The following MYO9A variants were observed in gnomAD, a reference collection of about 807,000 sequenced individuals.
The protein encoded by MYO9A is myosin IXA.
A neutral mutation model predicts 293.3 loss-of-function variants in MYO9A; 103 were observed. The ratio of observed to expected loss-of-function variants is 0.35; its 90% confidence interval spans 0.30 to 0.41. MYO9A has a LOEUF of 0.41. MYO9A is among the 10% of genes least tolerant of loss of function. The probability of loss-of-function intolerance (pLI) is 1.00; values close to 1 mark genes in which losing one functional copy is unlikely to be tolerated. For synonymous variants in MYO9A, 1,001 were observed against 1,035.7 expected (o/e 0.97, Z 0.64); for missense variants, 2,685 against 3,033.0 (o/e 0.89, Z 2.69).
rs10676320 is a variant in MYO9A, at chr15:71,947,300, A to AAG, written c.2302+4476_2302+4477insCT. Among the ~76,000 whole-genome samples, 196 of 150,688 alleles carry AAG rather than the reference A, an allele frequency of 1.3e-3. 1 individual carries two copies. The Middle Eastern group carries it at 0.024, about 18-fold the overall frequency. ...CATCTCAGGAAAAAAAAAAAAAAAA[A>AAG]GTTTTATTTACTTTACTTCCTTTTA... On this transcript the variant is annotated intron_variant, in intron 15 of 41. Coordinates refer to ENST00000356056, the MANE Select transcript of MYO9A (RefSeq NM_006901.4).
intron 2 of MYO9A, 63 bp downstream of exon 2, chr15:72,045,661 C>G (rs971149668): frequency 2.7e-6 from 4 of 1,465,152 alleles, no homozygotes; most frequent in Non-Finnish European, 3.6e-6. Context: ...GAATGGTACA[C>G]CCCCCCACCT....
At chr15:72,118,407 C>G (rs534506765), upstream of MYO9A, 111 of 156,706 alleles carry the variant, frequency 7.1e-4, no homozygotes, top group Non-Finnish European at 1.2e-3. Context: ...GTAGCTGTCG[C>G]TTTCCGGCCA....
At chr15:71,986,687 G>A (rs2076415442) in intron 11 of MYO9A, among the ~76,000 whole-genome samples, 1 of 152,100 alleles carries the variant, frequency 6.6e-6, no homozygotes, top group Non-Finnish European at 1.5e-5. Flanking sequence ...AATAGAAAGA[G>A]GGCTTATAAT....
chr15:72,093,570 T>C (rs1188653989), intron 1 of MYO9A, among the ~76,000 whole-genome samples: 1 of 150,980 alleles, frequency 6.6e-6, no homozygotes, highest in African/African-American at 2.4e-5. Flanking sequence ...TCTAAAATTG[T>C]AAAACACAAG....
intron 39 of MYO9A, among the ~76,000 whole-genome samples, chr15:71,830,968 T>G (rs567354886): frequency 5.8e-4 from 86 of 149,446 alleles, no homozygotes; most frequent in Non-Finnish European, 6.8e-4. Context: ...CATTGCTGCT[T>G]CTTCCTTTTT....
chr15:72,077,143 GGAAAATC>G (rs2079378844), intron 1 of MYO9A, among the ~76,000 whole-genome samples: 2 of 152,122 alleles, frequency 1.3e-5, no homozygotes, highest in Admixed American at 6.5e-5. Context: ...ACAGCATGGG[GGAAAATC>G]TTGGTAAACT....
At chr15:72,024,282 T>C (rs1342421419) in intron 4 of MYO9A, among the ~76,000 whole-genome samples, 2 of 152,200 alleles carry the variant, frequency 1.3e-5, no homozygotes, top group African/African-American at 4.8e-5. Flanking sequence ...TATAAATTAA[T>C]TAACTCATTG....
intron 37 of MYO9A, among the ~76,000 whole-genome samples, 183 bp downstream of exon 37, chr15:71,851,070 T>C (rs1466606323): frequency 6.6e-6 from 1 of 152,200 alleles, no homozygotes; most frequent in African/African-American, 2.4e-5. Flanking sequence ...GCAACTGCCA[T>C]GCATTCCAGC....
chr15:71,875,152 CTATT>C (rs954300490), intron 32 of MYO9A, among the ~76,000 whole-genome samples: 4 of 151,800 alleles, frequency 2.6e-5, no homozygotes, highest in East Asian at 1.9e-4. Flanking sequence ...ATGTTTCTAT[CTATT>C]GTATTATATA....
At position 71,901,301 on chromosome 15, in the gene MYO9A, G is replaced by T. The variant is rs1298581577; in HGVS notation, c.3040C>A (p.Leu1014Met). ...KEQERQHLQD[L>M]LHQEVLRRII... is the part of the protein sequence containing the mutation. ...CTGCGGAGCACCTCTTGGTGAAGCA[G>T]ATCTTGTAAGTGCTGTCGTTCCTGC... The change falls in exon 23 of 42, where the codon CTG (leucine) becomes ATG (methionine). Residue 1014 changes from leucine (L) to methionine (M), a missense_variant. By Grantham distance (15) the Leu-to-Met change is conservative. This residue lies in a region of MYO9A where 1,434 missense variants were observed against 1,497.7 expected (regional missense o/e 0.96). Coordinates refer to ENST00000356056, the MANE Select transcript of MYO9A (RefSeq NM_006901.4). 6.2e-7 allele frequency: 1 copy of T among 1,613,778 alleles called. No individual in the cohort carries two copies. Among genetic ancestry groups the T allele is most frequent in the Non-Finnish European group, 8.5e-7 (1 of 1,179,906 alleles).
At chr15:72,006,104 GTCTCGC>G (rs2077009051) in intron 8 of MYO9A, among the ~76,000 whole-genome samples, 1 of 152,096 alleles carries the variant, frequency 6.6e-6, no homozygotes, top group Non-Finnish European at 1.5e-5. Flanking sequence ...TAGAGACAGG[GTCTCGC>G]TCTGTTACCC....
In MYO9A at chr15:71,855,318, T is replaced by C. The variant is rs28409017; in HGVS notation, c.6154-749A>G. On this transcript the variant is annotated intron_variant, in intron 34 of 41. Coordinates refer to ENST00000356056, the MANE Select transcript of MYO9A (RefSeq NM_006901.4). Reference sequence around the variant, plus strand: ...GCCCAGCTAATGTTTGTAGTTTTAGTAGAGACGGAGTTTCATCATGTTGGC... The same window carrying C: ...GCCCAGCTAATGTTTGTAGTTTTAGCAGAGACGGAGTTTCATCATGTTGGC... 5.7e-3 allele frequency among the ~76,000 whole-genome samples: 861 copies of C among 152,294 alleles called. 12 individuals are homozygous for C. The highest frequency in any genetic ancestry group is 0.02 in the African/African-American group (815 of 41,564).
chr15:71,883,518 A>G, intron 28 of MYO9A, 76 bp downstream of exon 28: 1 of 1,450,052 alleles, frequency 6.9e-7, no homozygotes, highest in African/African-American at 1.4e-5. Flanking sequence ...CATTATGAAT[A>G]CTACAGGAAT....
chr15:72,046,558 A>G lies in MYO9A; in HGVS notation c.6T>C (p.Asn2=), dbSNP rs2078390635. ...AGCGTCGTCTTCCTCCATCATTTAT[A>G]TTCATATTGGATCCTGTCCCATCAG... is the stretch of plus-strand genomic sequence containing the variant. The part of the protein sequence containing the change: M[N]INDGGRRRFE... Residue 2 remains asparagine (N), a synonymous_variant, in exon 2 of 42, where the codon AAT becomes AAC. Coordinates refer to ENST00000356056, the MANE Select transcript of MYO9A (RefSeq NM_006901.4). The G allele has an allele frequency of 1.9e-6, 3 of 1,593,032 alleles. No homozygotes were observed. The highest frequency in any genetic ancestry group is 1.7e-4 in the Middle Eastern group (1 of 5,966).
chr15:71,839,708 C>G (rs2055076202), intron 39 of MYO9A, among the ~76,000 whole-genome samples: 1 of 152,184 alleles, frequency 6.6e-6, no homozygotes, highest in Admixed American at 6.5e-5. Context: ...CTGTGCCTGG[C>G]CTGAATCGGC....
At chr15:72,113,238 A>G (rs1441733835) in intron 1 of MYO9A, among the ~76,000 whole-genome samples, 1 of 152,356 alleles carries the variant, frequency 6.6e-6, no homozygotes, top group South Asian at 2.1e-4. Context: ...ACAGGAGCAC[A>G]TAAGAATGGT....
At chr15:71,930,501 A>G (rs1168274293) in intron 18 of MYO9A, among the ~76,000 whole-genome samples, 1 of 149,338 alleles carries the variant, frequency 6.7e-6, no homozygotes, top group Non-Finnish European at 1.5e-5. Flanking sequence ...TTTGTCTGTT[A>G]TAAGGATAAC....
At chr15:72,106,259 CT>C (rs2080564565) in intron 1 of MYO9A, among the ~76,000 whole-genome samples, 1 of 77,092 alleles carries the variant, frequency 1.3e-5, no homozygotes, top group African/African-American at 3.7e-5. Context: ...AGGAGGACTG[CT>C]TGAGGCCAGG....
At chr15:71,879,908 G>T in intron 29 of MYO9A, 71 bp from the exon 30 acceptor site, 1 of 1,041,752 alleles carries the variant, frequency 9.6e-7, no homozygotes, top group Non-Finnish European at 1.5e-6. Context: ...CAGTAGGCAT[G>T]TATTGTTGCT....
Sources: gnomAD v4.1 joint callset for allele counts (sites outside exome capture counted in the v4.1 genomes callset) on GRCh38, gnomAD v4.1.1 for gene constraint, gnomAD v4.1.1 regional missense constraint, MANE v1.5 for transcripts, NCBI Gene and HGNC (gene_info 2026-07-23, HGNC 2026-07-21) for gene names.